The following C1orf21 variants were observed in gnomAD, a reference collection of about 807,000 sequenced individuals.
The protein encoded by C1orf21 is chromosome 1 open reading frame 21, also known as uncharacterized protein C1orf21.
C1orf21 carries 3 observed loss-of-function variants against 18.7 expected under a neutral mutation model. The ratio of observed to expected loss-of-function variants is 0.16; its 90% CI spans 0.07 to 0.42. The LOEUF is 0.42. Among genes scored for constraint, C1orf21 ranks in the 10% least tolerant of loss-of-function variants. The pLI is 0.99. For missense variants in C1orf21, 104 were observed against 143.6 expected, an observed-to-expected ratio of 0.72 and a Z score of 1.41; for synonymous variants, 41 against 46.4, an observed-to-expected ratio of 0.88 and a Z score of 0.47.
At chr1:184,425,270 T>C (rs1400115255) in intron 1 of C1orf21, among the ~76,000 whole-genome samples, 1 of 151,608 alleles carries the variant, frequency 6.6e-6, no homozygotes, top group Non-Finnish European at 1.5e-5. Context: ...CTGATATCTT[T>C]TTTTTTTTTT....
At chr1:184,616,698 GCA>G (rs1270477877) in intron 5 of C1orf21, among the ~76,000 whole-genome samples, 5 of 142,564 alleles carry the variant, frequency 3.5e-5, no homozygotes, top group East Asian at 2.3e-4. Flanking sequence ...GCTTGTGTGT[GCA>G]CACGTGTGTA....
In C1orf21 at chr1:184,540,371, A is replaced by G. The variant is rs577012416; in HGVS notation, c.189+32689A>G. ...TACCAAGATTTTAAAAGAGATTGAC[A>G]GACTTATGATACATCTTTGATTCTG... On this transcript the variant is annotated intron_variant, in intron 3 of 5. Transcript: ENST00000235307. 1.8e-4 allele frequency among the ~76,000 whole-genome samples: 27 copies of G among 152,290 alleles called. No homozygotes were observed. In the South Asian group the frequency reaches 5.4e-3, roughly 30 times the overall value.
chr1:184,417,127 C>G (rs1209405034), intron 1 of C1orf21, among the ~76,000 whole-genome samples: 6 of 152,044 alleles, frequency 3.9e-5, no homozygotes, highest in Admixed American at 1.3e-4. Context: ...CTGTTTTTGG[C>G]TCAGTCGAAA....
At chr1:184,531,419 T>C (rs1207933015) in intron 3 of C1orf21, among the ~76,000 whole-genome samples, 3 of 152,168 alleles carry the variant, frequency 2.0e-5, no homozygotes, top group African/African-American at 7.2e-5. Flanking sequence ...ATTTTAATGT[T>C]TACTATATGC....
At chr1:184,551,866 T>C (rs1658817732) in intron 3 of C1orf21, among the ~76,000 whole-genome samples, 1 of 150,256 alleles carries the variant, frequency 6.7e-6, no homozygotes, top group Non-Finnish European at 1.5e-5. Flanking sequence ...TAGCCGGGTG[T>C]GGTGGCATGT....
chr1:184,561,370 G>T (rs560581210), intron 3 of C1orf21, among the ~76,000 whole-genome samples: 1 of 152,128 alleles, frequency 6.6e-6, no homozygotes, highest in Non-Finnish European at 1.5e-5. Context: ...GTATAATCCT[G>T]GGCTGGTATA....
At position 184,554,182 on chromosome 1, in the gene C1orf21, G is replaced by A. The variant is rs59434494; in HGVS notation, c.190-36557G>A. On this transcript the variant is annotated intron_variant, in intron 3 of 5. Coordinates refer to ENST00000235307, the MANE Select transcript of C1orf21 (RefSeq NM_030806.4). Reference sequence around the variant, plus strand: ...TTTGATAACCTGTAATGAGTTCTGTGATGTCTTTTTCTTCTTGTATCTTTT... The same window carrying A: ...TTTGATAACCTGTAATGAGTTCTGTAATGTCTTTTTCTTCTTGTATCTTTT... Among the ~76,000 whole-genome samples, 753 of 152,288 alleles carry A rather than the reference G, an allele frequency of 4.9e-3. 7 individuals are homozygous for A. The highest frequency in any genetic ancestry group is 0.017 in the African/African-American group (717 of 41,546).
intron 1 of C1orf21, among the ~76,000 whole-genome samples, chr1:184,396,154 C>A (rs1656047659): frequency 6.6e-6 from 1 of 152,130 alleles, no homozygotes; most frequent in African/African-American, 2.4e-5. Flanking sequence ...TATGCAAATC[C>A]TTTTAGGTCA....
chr1:184,598,578 G>A, intron 5 of C1orf21, 117 bp downstream of exon 5: 12 of 1,032,644 alleles, frequency 1.2e-5, no homozygotes, highest in Non-Finnish European at 1.7e-5. Context: ...GAAGGTTTGG[G>A]TGGAGAGTTA....
At chr1:184,461,206 A>G (rs1446553574) in intron 1 of C1orf21, among the ~76,000 whole-genome samples, 1 of 152,160 alleles carries the variant, frequency 6.6e-6, no homozygotes, top group Non-Finnish European at 1.5e-5. Context: ...GGGCTCCCTG[A>G]TGCCTCCACA....
intron 3 of C1orf21, among the ~76,000 whole-genome samples, chr1:184,533,734 A>G (rs1205010229): frequency 6.6e-6 from 1 of 152,228 alleles, no homozygotes; most frequent in Non-Finnish European, 1.5e-5. Flanking sequence ...ACAATCCCCC[A>G]TAAAATGTCC....
intron 1 of C1orf21, among the ~76,000 whole-genome samples, chr1:184,457,775 T>G (rs941378648): frequency 1.3e-5 from 2 of 152,186 alleles, no homozygotes; most frequent in African/African-American, 4.8e-5. Flanking sequence ...GCATCAGCTT[T>G]GAGTATCCTG....
At chr1:184,473,542 C>T (rs533743832) in intron 1 of C1orf21, among the ~76,000 whole-genome samples, 46 of 152,146 alleles carry the variant, frequency 3.0e-4, no homozygotes, top group Non-Finnish European at 4.6e-4. Flanking sequence ...ATGATTCTAG[C>T]GGTCTTTGGG....
chr1:184,492,876 A>G (rs1355418873), intron 2 of C1orf21, among the ~76,000 whole-genome samples: 3 of 152,214 alleles, frequency 2.0e-5, no homozygotes, highest in Non-Finnish European at 4.4e-5. Flanking sequence ...TATAAACAAA[A>G]TCTAGGCCAA....
intron 1 of C1orf21, among the ~76,000 whole-genome samples, chr1:184,451,996 C>T (rs1657131061): frequency 6.6e-6 from 1 of 152,146 alleles, no homozygotes; most frequent in Non-Finnish European, 1.5e-5. Flanking sequence ...CCAATTAATC[C>T]TTTGCTTTCC....
At chr1:184,548,856 G>A (rs1658770289) in intron 3 of C1orf21, among the ~76,000 whole-genome samples, 1 of 152,060 alleles carries the variant, frequency 6.6e-6, no homozygotes, top group Non-Finnish European at 1.5e-5. Flanking sequence ...CCACGTTAAA[G>A]TTGTTGAAAT....
At chr1:184,397,690 T>G (rs1019249014) in intron 1 of C1orf21, among the ~76,000 whole-genome samples, 1 of 152,216 alleles carries the variant, frequency 6.6e-6, no homozygotes, top group Admixed American at 6.5e-5. Flanking sequence ...TAGTTTTGTA[T>G]GTTTGGAATC....
intron 3 of C1orf21, among the ~76,000 whole-genome samples, chr1:184,550,342 A>G (rs2101981357): frequency 6.6e-6 from 1 of 152,332 alleles, no homozygotes; most frequent in African/African-American, 2.4e-5. Flanking sequence ...AGTTTTCTTC[A>G]CCCAATACAA....
intron 1 of C1orf21, among the ~76,000 whole-genome samples, chr1:184,448,176 T>C (rs1293799347): frequency 6.6e-6 from 1 of 152,130 alleles, no homozygotes; most frequent in African/African-American, 2.4e-5. Flanking sequence ...CTCTGCCTCC[T>C]AGGTTCAAGC....
Sources: gnomAD v4.1 joint callset for allele counts (sites outside exome capture counted in the v4.1 genomes callset) on GRCh38, gnomAD v4.1.1 for gene constraint, MANE v1.5 for transcripts, NCBI Gene and HGNC (gene_info 2026-07-23, HGNC 2026-07-21) for gene names.